GZMB: variants seen among roughly 807,000 people sequenced by gnomAD.
GZMB encodes granzyme B, also known as T-cell serine protease 1-3E.
Under a neutral mutation model 24.2 loss-of-function variants are expected in GZMB, and 27 were observed. The observed-to-expected ratio is 1.12, with a 90% CI of 0.82 to 1.54. GZMB has a LOEUF of 1.54. GZMB is among the 40% of genes most tolerant of loss of function. The probability of loss-of-function intolerance (pLI) is 0.00; values close to 1 mark genes in which losing one functional copy is unlikely to be tolerated. For missense variants in GZMB, 336 were observed against 310.1 expected (o/e 1.08, Z -0.63); for synonymous variants, 121 against 115.1 (o/e 1.05, Z -0.33).
chr14:24,631,649 A>C, intron 4 of GZMB: 1 of 596,642 alleles, frequency 1.7e-6, no homozygotes, highest in South Asian at 2.1e-5. Flanking sequence ...TCATCCTTCC[A>C]AAGAAGCACC....
Position 24,630,999 on chromosome 14 carries a change from C to T in GZMB, c.*72G>A. The stretch of plus-strand genomic sequence containing the variant: ...TATTTATTCAGTTGCTGGCACCTCT[C>T]CCAGTGTAAATCTGGACTTGGCTCC... On this transcript the variant is annotated 3_prime_UTR_variant, in exon 5 of 5. Coordinates refer to ENST00000216341, the MANE Select transcript of GZMB (RefSeq NM_004131.6). The T allele has an allele frequency of 8.6e-7, 1 of 1,164,706 alleles. No homozygotes were observed. The highest frequency in any genetic ancestry group is 1.5e-5 in the African/African-American group (1 of 65,712). The allele number at this position is 1,164,706 out of a possible 1,614,324, so 72.1% of individuals were successfully genotyped here.
chr14:24,632,413 G>A lies in GZMB; in HGVS notation c.250C>T (p.Pro84Ser), dbSNP rs769013244. Residue 84 changes from proline (P) to serine (S), a missense_variant, in exon 3 of 5, where the codon CCG becomes TCG. Transcript: ENST00000216341. The stretch of plus-strand genomic sequence containing the variant: ...TTCACAGGGATAAACTGCTGGGTCG[G>A]CTCCTGTTCTTTGATATTGTGGGCC... ...LGAHNIKEQE[P>S]TQQFIPVKRP... 1.2e-6 allele frequency: 2 copies of A among 1,613,526 alleles called. No homozygotes were observed. The highest frequency in any genetic ancestry group is 3.3e-5 in the Admixed American group (2 of 59,980).
rs2066990831 is a variant in GZMB at position 24,631,141 on chromosome 14, A to G, written c.674T>C (p.Met225Thr). ...GACTTTGGTGCAGGCTCGTGGAGGC[A>G]TGCCATTGTTTCGTCCATAGGAGAC... is the stretch of plus-strand genomic sequence containing the variant. Reference protein sequence around the residue: ...GIVSYGRNNGMPPRACTKVSS... With the variant: ...GIVSYGRNNGTPPRACTKVSS... The change falls in exon 5 of 5, where the codon ATG becomes ACG. Residue 225 changes from methionine (M) to threonine (T), a missense_variant. Met to Thr is a moderately conservative substitution (Grantham distance 81). Coordinates refer to ENST00000216341, the MANE Select transcript of GZMB (RefSeq NM_004131.6). 1.2e-6 allele frequency: 2 copies of G among 1,612,250 alleles called. No homozygotes were observed. The highest frequency in any genetic ancestry group is 2.2e-5 in the South Asian group (2 of 91,044).
chr14:24,633,327 T>C, intron 1 of GZMB: 3 of 984,900 alleles, frequency 3.0e-6, no homozygotes, highest in Non-Finnish European at 3.6e-6. Context: ...ATCATTCCTC[T>C]CCTGACTTTG....
At position 24,634,151 on chromosome 14, in the gene GZMB, T is replaced by C. The variant is rs1383347411; in HGVS notation, c.10A>G (p.Ile4Val). MQPILLLLAFLLLP... is the reference protein window; with the variant it reads MQPVLLLLAFLLLP... The stretch of plus-strand genomic sequence containing the variant: ...AGGAGGAAGGCCAGCAGAAGCAGGA[T>C]TGGTTGCATCTTCTCAGGAAGGCTG... Residue 4 changes from isoleucine (I) to valine (V), a missense_variant, in exon 1 of 5, where the codon ATC becomes GTC. Ile to Val is a conservative substitution (Grantham distance 29). Transcript: ENST00000216341. The C allele has an allele frequency of 1.3e-6, 2 of 1,592,200 alleles. No individual in the cohort carries two copies.
Position 24,631,891 on chromosome 14 carries a change from C to A in GZMB, c.567G>T (p.Val189=). Residue 189 remains valine, a synonymous_variant, in exon 4 of 5, where the codon GTG becomes GTT. Transcript: ENST00000216341. ...HYYDSTIELC[V]GDPEIKKTSF... Reference sequence around the variant, plus strand: ...AAGTCTTTTTAATCTCTGGGTCCCCCACGCACAACTCAATGGTACTGTCGT... The same window carrying A: ...AAGTCTTTTTAATCTCTGGGTCCCCAACGCACAACTCAATGGTACTGTCGT... 1 of 1,613,960 alleles carries A rather than the reference C, an allele frequency of 6.2e-7. No individual in the cohort carries two copies. Among genetic ancestry groups the A allele is most frequent in the Non-Finnish European group, 8.5e-7 (1 of 1,179,810 alleles).
At chr14:24,633,968 T>A (rs1483932768) in intron 1 of GZMB, 138 bp downstream of exon 1, 1 of 798,954 alleles carries the variant, frequency 1.3e-6, no homozygotes, top group South Asian at 1.5e-5. Flanking sequence ...TTATCCAGCA[T>A]CACACTTGGG....
intron 1 of GZMB, 176 bp from the exon 2 acceptor site, chr14:24,633,238 G>A: frequency 1.0e-6 from 1 of 985,084 alleles, no homozygotes; most frequent in Non-Finnish European, 1.2e-6. Flanking sequence ...AGCAGACTTT[G>A]GTCTGTAAAT....
Position 24,633,192 on chromosome 14 carries a change from G to A in GZMB, c.56-130C>T, listed in dbSNP as rs1448945079. ...TGGAGTTGGGAGTGGCCTGGAGGAA[G>A]GGGCTTCAATTTCCTGCTCTGAAAA... is the stretch of plus-strand genomic sequence containing the variant. On this transcript the variant is annotated intron_variant, in intron 1 of 4. Transcript: ENST00000216341. The A allele has an allele frequency of 4.1e-6, 6 of 1,455,170 alleles. No individual in the cohort carries two copies. The African/African-American group carries it at 8.5e-5, about 21-fold the overall frequency. 90.1% of individuals were successfully genotyped at this position (1,455,170 alleles called of 1,614,324 possible).
Position 24,632,124 on chromosome 14 carries a change from G to A in GZMB, c.340-6C>T. 6.2e-7 allele frequency: 1 copy of A among 1,612,940 alleles called. No individual in the cohort carries two copies. Among genetic ancestry groups the A allele is most frequent in the Non-Finnish European group, 8.5e-7 (1 of 1,179,242 alleles). On this transcript the variant is annotated splice_polypyrimidine_tract_variant and splice_region_variant and intron_variant, in intron 3 of 4. Coordinates refer to ENST00000216341, the MANE Select transcript of GZMB (RefSeq NM_004131.6). ...CGCTTGGCCTTTCTCTCCAGCTGGT[G>A]GGGAAGAGGCAAGAAAGTCCAGGTC...
chr14:24,632,602 G>A (rs1947697518), intron 2 of GZMB, 143 bp from the exon 3 acceptor site: 1 of 1,326,120 alleles, frequency 7.5e-7, no homozygotes, highest in Non-Finnish European at 1.1e-6. Context: ...TGGAATTCTG[G>A]TAATTGCACC....
chr14:24,631,281 G>A (rs2066992426), intron 4 of GZMB, 67 bp from the exon 5 acceptor site: 2 of 1,469,508 alleles, frequency 1.4e-6, no homozygotes, highest in Non-Finnish European at 1.9e-6. Context: ...TCCATCTCAA[G>A]CCCCCTTTTA....
rs773843209 is a variant in GZMB, at chr14:24,631,138, G to A, written c.677C>T (p.Pro226Leu). ...TGAGACTTTGGTGCAGGCTCGTGGAGGCATGCCATTGTTTCGTCCATAGGA... is the reference window on the plus strand; with the variant it reads ...TGAGACTTTGGTGCAGGCTCGTGGAAGCATGCCATTGTTTCGTCCATAGGA... ...IVSYGRNNGM[P>L]PRACTKVSSF... Residue 226 changes from proline to leucine, a missense_variant, in exon 5 of 5, where the codon CCT becomes CTT. Coordinates refer to ENST00000216341, the MANE Select transcript of GZMB (RefSeq NM_004131.6). 9 of 1,612,142 alleles carry A rather than the reference G, an allele frequency of 5.6e-6. No homozygotes were observed. The South Asian group carries it at 9.9e-5, about 18-fold the overall frequency.
At chr14:24,631,655 G>A in intron 4 of GZMB, 2 of 599,124 alleles carry the variant, frequency 3.3e-6, no homozygotes, top group Non-Finnish European at 5.9e-6. Flanking sequence ...TTCCAAAGAA[G>A]CACCATCCAC....
At chr14:24,632,144 C>A in intron 3 of GZMB, 26 bp from the exon 4 acceptor site, 1 of 1,609,700 alleles carries the variant, frequency 6.2e-7, no homozygotes, top group Non-Finnish European at 8.5e-7. Flanking sequence ...CAAGAAAGTC[C>A]AGGTCAGCCA....
intron 1 of GZMB, chr14:24,633,807 T>C (rs936940878): frequency 4.9e-5 from 22 of 451,916 alleles, no homozygotes; most frequent in South Asian, 3.6e-4. Context: ...TAGAATAATT[T>C]AATATTTCTC....
chr14:24,631,949 TC>T lies in GZMB; in HGVS notation c.508del (p.Asp170IlefsTer71). The T allele has an allele frequency of 1.2e-6, 2 of 1,614,214 alleles. No individual in the cohort carries two copies. Among genetic ancestry groups the T allele is most frequent in the Non-Finnish European group, 8.5e-7 (1 of 1,180,020 alleles). On this transcript the variant is annotated frameshift_variant, in exon 4 of 5. Transcript: ENST00000216341. LOFTEE classifies it high-confidence loss of function. ...GCGTAAGTCAGATTCGCACTTTCGA[TC>T]TTCCTGCACTGTCATCTTCACCTCT... ...LQEVKMTVQE[D>X]RKCESDLRHY...
chr14:24,634,168 G>A lies in GZMB; in HGVS notation c.-8C>T. On this transcript the variant is annotated 5_prime_UTR_variant, in exon 1 of 5. Transcript: ENST00000216341. ...AAGCAGGATTGGTTGCATCTTCTCA[G>A]GAAGGCTGCCCTGGTTGGAGCTGCT... The A allele has an allele frequency of 1.3e-6, 2 of 1,586,296 alleles. No homozygotes were observed. The highest frequency in any genetic ancestry group is 1.7e-6 in the Non-Finnish European group (2 of 1,166,942).
At chr14:24,633,815 C>A (rs1365199244) in intron 1 of GZMB, 3 of 472,558 alleles carry the variant, frequency 6.3e-6, no homozygotes, top group African/African-American at 2.0e-5. Flanking sequence ...TTTAATATTT[C>A]TCTTTTCTAG....
Sources: allele counts gnomAD v4.1 joint callset, GRCh38; gene constraint gnomAD v4.1.1; transcripts MANE v1.5; gene names NCBI Gene and HGNC (gene_info 2026-07-23, HGNC 2026-07-21).